The following SLC17A4 variants were observed in gnomAD, a reference collection of about 807,000 sequenced individuals.
The protein encoded by SLC17A4 is solute carrier family 17 member 4.
A neutral mutation model predicts 52.5 loss-of-function variants in SLC17A4; 33 were observed. The observed-to-expected ratio is 0.63, with a 90% CI of 0.48 to 0.84. The LOEUF (loss-of-function observed/expected upper bound fraction) is 0.84. SLC17A4 is among the 40% of genes least tolerant of loss of function. SLC17A4 has a pLI of 0.00. For missense variants in SLC17A4, 585 were observed against 597.1 expected (o/e 0.98, Z 0.21); for synonymous variants, 225 against 216.2 (o/e 1.04, Z -0.36).
intron 1 of SLC17A4, among the ~76,000 whole-genome samples, chr6:25,756,323 C>T (rs780668025): frequency 3.3e-5 from 5 of 152,296 alleles, no homozygotes; most frequent in South Asian, 4.2e-4. Context: ...TCTTGCTCAG[C>T]GCTGTCTCCT....
rs1455102526 is a variant in SLC17A4, at chr6:25,770,980, C to T, written c.674C>T (p.Thr225Ile). The T allele has an allele frequency of 1.2e-6, 2 of 1,613,746 alleles. No individual in the cohort carries two copies. The highest frequency in any genetic ancestry group is 1.7e-6 in the Non-Finnish European group (2 of 1,179,812). Reference sequence around the variant, plus strand: ...CTTGCTGGTGGTCTCCTCTGCCAGACCATAGGATGGCCTTACGTCTTCTAT... The same window carrying T: ...CTTGCTGGTGGTCTCCTCTGCCAGATCATAGGATGGCCTTACGTCTTCTAT... ...VLLAGGLLCQ[T>I]IGWPYVFYIF... is the part of the protein sequence containing the mutation. Residue 225 changes from threonine to isoleucine, a missense_variant, in exon 6 of 12, where the codon ACC becomes ATC. Physicochemically the swap from Thr to Ile is moderately conservative, Grantham distance 89. Transcript: ENST00000377905.
chr6:25,777,934 G>T lies in SLC17A4; in HGVS notation c.1277G>T (p.Gly426Val). 1 of 1,612,708 alleles carries T rather than the reference G, an allele frequency of 6.2e-7. No individual in the cohort carries two copies. Among genetic ancestry groups the T allele is most frequent in the Non-Finnish European group, 8.5e-7 (1 of 1,179,290 alleles). ...NFLDIAPRYTGFLKGLLQVFA... is the reference protein window; with the variant it reads ...NFLDIAPRYTVFLKGLLQVFA... ...CCATCTCTCTCTCTCAGGTACACTG[G>T]CTTTCTCAAAGGACTATTGCAAGTC... is the stretch of plus-strand genomic sequence containing the variant. The change falls in exon 11 of 12, where the codon GGC (glycine) becomes GTC (valine). Residue 426 changes from glycine (G) to valine (V), a missense_variant. Gly to Val is a moderately radical substitution (Grantham distance 109, BLOSUM62 -3). Transcript: ENST00000377905.
At chr6:25,755,126 T>C (rs1302228370) in intron 1 of SLC17A4, among the ~76,000 whole-genome samples, 1 of 151,362 alleles carries the variant, frequency 6.6e-6, no homozygotes, top group Non-Finnish European at 1.5e-5. Context: ...CTAAATGATA[T>C]ATTTGGATTG....
chr6:25,776,486 G>C (rs1762929269), intron 8 of SLC17A4, 109 bp from the exon 9 acceptor site: 1 of 1,286,092 alleles, frequency 7.8e-7, no homozygotes, highest in East Asian at 2.3e-5. Context: ...TATTAAAAGT[G>C]ATGCGTATAT....
intron 3 of SLC17A4, 61 bp downstream of exon 3, chr6:25,769,251 T>G: frequency 6.9e-7 from 1 of 1,448,106 alleles, no homozygotes; most frequent in Non-Finnish European, 9.6e-7. Flanking sequence ...TAAAGAGTTA[T>G]AAAAGAGTGA....
At chr6:25,755,819 C>A (rs760911675) in intron 1 of SLC17A4, among the ~76,000 whole-genome samples, 3 of 152,182 alleles carry the variant, frequency 2.0e-5, no homozygotes, top group Non-Finnish European at 2.9e-5. Flanking sequence ...TCCTCTGGAA[C>A]CTGTTGCCCT....
At chr6:25,769,362 T>C (rs2151439265) in intron 3 of SLC17A4, among the ~76,000 whole-genome samples, 172 bp downstream of exon 3, 1 of 152,202 alleles carries the variant, frequency 6.6e-6, no homozygotes, top group Admixed American at 6.5e-5. Context: ...ACACCTTTAG[T>C]CCCAGCACTT....
chr6:25,768,494 C>A (rs2151437319), intron 2 of SLC17A4: 1 of 616,070 alleles, frequency 1.6e-6, no homozygotes, highest in Non-Finnish European at 2.1e-6. Context: ...CTAACCATAG[C>A]CTATCTTTCA....
intron 2 of SLC17A4, 71 bp downstream of exon 2, chr6:25,762,124 A>G: frequency 7.4e-7 from 1 of 1,350,488 alleles, no homozygotes; most frequent in Non-Finnish European, 1.0e-6. Flanking sequence ...GTGGTACTAA[A>G]TAAAACTAGG....
At chr6:25,776,387 G>T (rs918966195) in intron 8 of SLC17A4, among the ~76,000 whole-genome samples, 1 of 151,504 alleles carries the variant, frequency 6.6e-6, no homozygotes, top group Non-Finnish European at 1.5e-5. Flanking sequence ...TATATATAAA[G>T]AGAGCCTTGT....
intron 8 of SLC17A4, among the ~76,000 whole-genome samples, chr6:25,774,093 A>C (rs1581414095): frequency 6.6e-6 from 1 of 152,350 alleles, no homozygotes; most frequent in East Asian, 1.9e-4. Context: ...AAACATAAAC[A>C]ACATATGCTG....
Position 25,769,133 on chromosome 6 carries a change from GCC to G in SLC17A4, c.242_243del (p.Pro81LeufsTer3), listed in dbSNP as rs1762263302. 2.2e-5 allele frequency: 35 copies of G among 1,614,000 alleles called. No individual in the cohort carries two copies. The highest frequency in any genetic ancestry group is 2.9e-5 in the Non-Finnish European group (34 of 1,179,974). ...GCCAGCCCAATGCTTCCACAGAACGGCCCTCCACTGACTCCCAGGGCTACTGG... is the reference window on the plus strand; with the variant it reads ...GCCAGCCCAATGCTTCCACAGAACGGCTCCACTGACTCCCAGGGCTACTGG... ...PSQPNASTER[P>X]STDSQGYWNE... On this transcript the variant is annotated frameshift_variant, in exon 3 of 12. Transcript: ENST00000377905. LOFTEE classifies it high-confidence loss of function.
At chr6:25,775,439 T>A (rs370241706) in intron 8 of SLC17A4, among the ~76,000 whole-genome samples, 5 of 152,172 alleles carry the variant, frequency 3.3e-5, no homozygotes, top group East Asian at 3.9e-4. Context: ...TTTTTTCTTT[T>A]TCTTTCTTTC....
intron 1 of SLC17A4, among the ~76,000 whole-genome samples, chr6:25,759,324 G>A (rs1294991422): frequency 6.6e-6 from 1 of 152,130 alleles, no homozygotes; most frequent in Non-Finnish European, 1.5e-5. Context: ...ATTTGTTCTA[G>A]GGTATAGTTT....
rs1224596043 is a variant in SLC17A4 at position 25,780,107 on chromosome 6, A to G, written c.*919A>G. On this transcript the variant is annotated 3_prime_UTR_variant, in exon 12 of 12. Coordinates refer to ENST00000377905, the MANE Select transcript of SLC17A4 (RefSeq NM_005495.3). The stretch of plus-strand genomic sequence containing the variant: ...CACACACTGCCCTAACCTCACTCCA[A>G]ATGTCTGGAGAAATGTGTGTAGTGC... 1 of 152,164 alleles carries G rather than the reference A, an allele frequency of 6.6e-6. No homozygotes were observed. The highest frequency in any genetic ancestry group is 1.9e-4 in the East Asian group (1 of 5,194). The allele number at this position is 152,164 out of a possible 1,614,324, so 9.4% of individuals were successfully genotyped here.
intron 10 of SLC17A4, 101 bp from the exon 11 acceptor site, chr6:25,777,825 C>T: frequency 1.1e-6 from 1 of 913,864 alleles, no homozygotes; most frequent in Admixed American, 1.8e-5. Flanking sequence ...CTGATATTAA[C>T]CCTTTGTTTG....
Position 25,773,310 on chromosome 6 carries a change from C to T in SLC17A4, c.742C>T (p.Pro248Ser), listed in dbSNP as rs1387999475. 6.2e-7 allele frequency: 1 copy of T among 1,613,826 alleles called. No individual in the cohort carries two copies. The highest frequency in any genetic ancestry group is 1.3e-5 in the African/African-American group (1 of 74,900). ...CTGTGCTTGTTGTCCTCTCTGGTTT[C>T]CTCTCATTTATGATGATCCTGTGAA... ...IGCACCPLWFPLIYDDPVNHP... is the reference protein window; with the variant it reads ...IGCACCPLWFSLIYDDPVNHP... Residue 248 changes from proline to serine, a missense_variant, in exon 7 of 12, where the codon CCT (proline) becomes TCT (serine). Transcript: ENST00000377905.
chr6:25,773,916 A>G (rs1241373957), intron 8 of SLC17A4, among the ~76,000 whole-genome samples: 3 of 152,158 alleles, frequency 2.0e-5, no homozygotes, highest in African/African-American at 7.2e-5. Context: ...ATCATATTTT[A>G]TTATACTATT....
intron 2 of SLC17A4, among the ~76,000 whole-genome samples, chr6:25,767,581 A>C (rs1762129232): frequency 6.6e-6 from 1 of 152,284 alleles, no homozygotes; most frequent in African/African-American, 2.4e-5. Context: ...TATAAAACTT[A>C]TGTATCCCCA....
Sources: allele counts gnomAD v4.1 joint callset (sites outside exome capture counted in the v4.1 genomes callset), GRCh38; gene constraint gnomAD v4.1.1; transcripts MANE v1.5; gene names NCBI Gene and HGNC (gene_info 2026-07-23, HGNC 2026-07-21).